The following SH3RF1 variants were observed in gnomAD, a reference collection of about 807,000 sequenced individuals.
SH3RF1 encodes the protein SH3 domain containing ring finger 1.
In SH3RF1, 32 loss-of-function variants were observed where a neutral mutation model predicts 74.0. The ratio of observed to expected loss-of-function variants is 0.43; its 90% CI spans 0.33 to 0.58. The LOEUF is 0.58. Ranked by LOEUF, SH3RF1 falls within the 20% of genes least tolerant of loss-of-function variation. SH3RF1 has a pLI of 0.05. For synonymous variants in SH3RF1, 396 were observed against 439.6 expected, an observed-to-expected ratio of 0.90 and a Z score of 1.24; for missense variants, 954 against 1,130.9, an observed-to-expected ratio of 0.84 and a Z score of 2.24.
At chr4:169,176,087 A>T (rs189806327) in intron 2 of SH3RF1, among the ~76,000 whole-genome samples, 1 of 152,302 alleles carries the variant, frequency 6.6e-6, no homozygotes, top group East Asian at 1.9e-4. Flanking sequence ...CCAGGATGAG[A>T]ACCTTCACCA....
At chr4:169,108,830 G>C (rs890192889) in intron 10 of SH3RF1, among the ~76,000 whole-genome samples, 3 of 152,192 alleles carry the variant, frequency 2.0e-5, no homozygotes, top group Non-Finnish European at 4.4e-5. Flanking sequence ...CCAGTGCCTA[G>C]TGCAGGGCCC....
intron 7 of SH3RF1, among the ~76,000 whole-genome samples, chr4:169,121,294 G>GGAGTGC (rs1733432427): frequency 6.6e-6 from 1 of 152,162 alleles, no homozygotes; most frequent in East Asian, 1.9e-4. Flanking sequence ...TGCCTAACTT[G>GGAGTGC]CTACCAGAGA....
chr4:169,231,349 C>T (rs182927033), intron 2 of SH3RF1, among the ~76,000 whole-genome samples: 3 of 152,184 alleles, frequency 2.0e-5, no homozygotes, highest in Admixed American at 1.3e-4. Context: ...AGGCAGATCA[C>T]GAGGTCAGGA....
At chr4:169,195,457 A>C (rs1347423097) in intron 2 of SH3RF1, among the ~76,000 whole-genome samples, 1 of 152,158 alleles carries the variant, frequency 6.6e-6, no homozygotes, top group African/African-American at 2.4e-5. Context: ...TGAGTTTGTA[A>C]ATAGAAGTTA....
At chr4:169,240,696 G>T (rs1224218461) in intron 2 of SH3RF1, among the ~76,000 whole-genome samples, 2 of 152,072 alleles carry the variant, frequency 1.3e-5, no homozygotes, top group African/African-American at 4.8e-5. Flanking sequence ...TCACACACCT[G>T]TCATTTCTTG....
At chr4:169,132,690 G>A (rs1733638168) in intron 5 of SH3RF1, among the ~76,000 whole-genome samples, 1 of 151,738 alleles carries the variant, frequency 6.6e-6, no homozygotes, top group African/African-American at 2.4e-5. Context: ...GGAAGAGTTG[G>A]GGTAAGCAAA....
At chr4:169,142,006 G>A (rs1733795278) in intron 4 of SH3RF1, among the ~76,000 whole-genome samples, 1 of 152,008 alleles carries the variant, frequency 6.6e-6, no homozygotes, top group Non-Finnish European at 1.5e-5. Flanking sequence ...TTTTAGTATA[G>A]ACAGGGTTTC....
chr4:169,188,435 T>G (rs1315140068), intron 2 of SH3RF1, among the ~76,000 whole-genome samples: 2 of 152,190 alleles, frequency 1.3e-5, no homozygotes, highest in Non-Finnish European at 2.9e-5. Flanking sequence ...CTGTGCACCC[T>G]GGACTGCTGG....
At chr4:169,181,257 C>CTTTT (rs397878328) in intron 2 of SH3RF1, among the ~76,000 whole-genome samples, 61 of 103,366 alleles carry the variant, frequency 5.9e-4, no homozygotes, top group African/African-American at 1.4e-3. Context: ...TTGGGAAAGC[C>CTTTT]TTTTTTTTTT....
At chr4:169,256,440 C>T (rs766492194) in intron 2 of SH3RF1, among the ~76,000 whole-genome samples, 1 of 152,170 alleles carries the variant, frequency 6.6e-6, no homozygotes, top group Non-Finnish European at 1.5e-5. Context: ...AAAACCAGAA[C>T]TATCTTATGT....
At chr4:169,154,301 C>T (rs751942495) in intron 4 of SH3RF1, among the ~76,000 whole-genome samples, 2 of 152,018 alleles carry the variant, frequency 1.3e-5, no homozygotes, top group Non-Finnish European at 2.9e-5. Context: ...AATTACTTTC[C>T]CATGGATATA....
chr4:169,144,317 T>C (rs1442673854), intron 4 of SH3RF1, among the ~76,000 whole-genome samples: 5 of 152,160 alleles, frequency 3.3e-5, no homozygotes, highest in African/African-American at 1.2e-4. Context: ...TCTGTAAAAT[T>C]TTATGCCTAG....
intron 4 of SH3RF1, among the ~76,000 whole-genome samples, chr4:169,154,827 T>C (rs1336803741): frequency 6.6e-6 from 1 of 152,220 alleles, no homozygotes; most frequent in Non-Finnish European, 1.5e-5. Flanking sequence ...TATGATGTAA[T>C]GAAAATCTAC....
chr4:169,161,407 T>C (rs1031622051), intron 2 of SH3RF1, among the ~76,000 whole-genome samples: 7 of 152,260 alleles, frequency 4.6e-5, no homozygotes, highest in African/African-American at 1.7e-4. Flanking sequence ...AATCCTCATG[T>C]GATCTGCCTA....
chr4:169,199,925 C>T (rs1185384367), intron 2 of SH3RF1, among the ~76,000 whole-genome samples: 1 of 152,010 alleles, frequency 6.6e-6, no homozygotes, highest in African/African-American at 2.4e-5. Flanking sequence ...AAGCAGTATG[C>T]TCTTTATAAG....
intron 6 of SH3RF1, among the ~76,000 whole-genome samples, chr4:169,123,226 C>T (rs995955404): frequency 2.0e-5 from 3 of 151,212 alleles, no homozygotes; most frequent in African/African-American, 4.9e-5. Flanking sequence ...GAGCTTATAC[C>T]AGTCATCTTA....
At chr4:169,192,517 A>T (rs1734736940) in intron 2 of SH3RF1, among the ~76,000 whole-genome samples, 1 of 152,166 alleles carries the variant, frequency 6.6e-6, no homozygotes, top group Non-Finnish European at 1.5e-5. Context: ...GTGAACAAGG[A>T]ACACTTCTAC....
chr4:169,253,429 G>A (rs988489197), intron 2 of SH3RF1, among the ~76,000 whole-genome samples: 2 of 152,250 alleles, frequency 1.3e-5, no homozygotes, highest in African/African-American at 2.4e-5. Flanking sequence ...CTGAGCTAGA[G>A]AGCCCATGGG....
At chr4:169,110,672 T>C (rs1250596184) in intron 10 of SH3RF1, among the ~76,000 whole-genome samples, 2 of 152,190 alleles carry the variant, frequency 1.3e-5, no homozygotes, top group Non-Finnish European at 2.9e-5. Context: ...AAATCTGTGG[T>C]TGACTCCTTA....
Sources: gnomAD v4.1 joint callset for allele counts (sites outside exome capture counted in the v4.1 genomes callset) on GRCh38, gnomAD v4.1.1 for gene constraint, MANE v1.5 for transcripts, NCBI Gene and HGNC (gene_info 2026-07-23, HGNC 2026-07-21) for gene names.